CDH13: variants seen among roughly 807,000 people sequenced by gnomAD.
CDH13 encodes cadherin 13.
Under a neutral mutation model 63.8 loss-of-function variants are expected in CDH13, and 24 were observed. That is an observed-to-expected ratio of 0.38 (90% CI 0.27 to 0.53). The LOEUF (loss-of-function observed/expected upper bound fraction) is 0.53. CDH13 is among the 20% of genes least tolerant of loss of function. The pLI is 0.85. For missense variants in CDH13, 1,049 were observed against 903.1 expected (o/e 1.16, Z -2.07); for synonymous variants, 503 against 355.3 (o/e 1.42, Z -4.67).
intron 1 of CDH13, among the ~76,000 whole-genome samples, chr16:82,736,623 T>G (rs994192662): frequency 6.6e-6 from 1 of 152,178 alleles, no homozygotes; most frequent in African/African-American, 2.4e-5. Flanking sequence ...TTTTTTCCTC[T>G]CTCCGCTAGC....
intron 2 of CDH13, among the ~76,000 whole-genome samples, chr16:82,958,273 A>T (rs1281746540): frequency 1.3e-5 from 2 of 152,200 alleles, no homozygotes; most frequent in Non-Finnish European, 2.9e-5. Context: ...CTTCACCTAG[A>T]AGTGCTTAAA....
chr16:82,809,127 T>A (rs1306024541), intron 1 of CDH13, among the ~76,000 whole-genome samples: 1 of 152,144 alleles, frequency 6.6e-6, no homozygotes, highest in Non-Finnish European at 1.5e-5. Context: ...AAATTATCAT[T>A]GCAAAGTGGC....
intron 6 of CDH13, among the ~76,000 whole-genome samples, chr16:83,368,207 A>G (rs1222441570): frequency 6.6e-6 from 1 of 152,216 alleles, no homozygotes; most frequent in Non-Finnish European, 1.5e-5. Context: ...CAAATCTCGT[A>G]GTAGAGCTAC....
chr16:83,420,096 A>G (rs188046468), intron 6 of CDH13, among the ~76,000 whole-genome samples: 4 of 152,314 alleles, frequency 2.6e-5, no homozygotes, highest in East Asian at 1.9e-4. Context: ...AGATGAGCAG[A>G]ATAAAAAATA....
chr16:83,515,108 G>A (rs2074670981), intron 7 of CDH13, among the ~76,000 whole-genome samples: 1 of 152,106 alleles, frequency 6.6e-6, no homozygotes, highest in African/African-American at 2.4e-5. Flanking sequence ...TCGTAGGTCT[G>A]CTGGGTTCAG....
chr16:83,276,126 G>T (rs1278200037), intron 5 of CDH13, among the ~76,000 whole-genome samples: 1 of 152,064 alleles, frequency 6.6e-6, no homozygotes, highest in Admixed American at 6.5e-5. Context: ...GTTCAAACTC[G>T]CCCCACACTC....
At chr16:83,097,705 A>T (rs2034277036) in intron 3 of CDH13, among the ~76,000 whole-genome samples, 1 of 152,200 alleles carries the variant, frequency 6.6e-6, no homozygotes, top group South Asian at 2.1e-4. Context: ...CTATATACAA[A>T]AGCAGGAAAA....
intron 3 of CDH13, among the ~76,000 whole-genome samples, chr16:83,090,698 C>G (rs1010063630): frequency 6.6e-6 from 1 of 152,168 alleles, no homozygotes; most frequent in Admixed American, 6.5e-5. Context: ...TCTTCCCCGT[C>G]TGTCTGCTCC....
chr16:82,912,675 G>T (rs2041867841), intron 2 of CDH13, among the ~76,000 whole-genome samples: 1 of 152,244 alleles, frequency 6.6e-6, no homozygotes, highest in Admixed American at 6.5e-5. Context: ...CGGGCGCGGT[G>T]GCTCACGCCT....
At chr16:83,131,452 C>A (rs2036049432) in intron 4 of CDH13, among the ~76,000 whole-genome samples, 1 of 152,080 alleles carries the variant, frequency 6.6e-6, no homozygotes, top group East Asian at 1.9e-4. Context: ...CATGCAGATC[C>A]CAAAGTGGCT....
Position 83,344,944 on chromosome 16 carries a change from A to T in CDH13, c.719A>T (p.Asp240Val), listed in dbSNP as rs2090806345. 1 of 1,613,900 alleles carries T rather than the reference A, an allele frequency of 6.2e-7. No homozygotes were observed. Among genetic ancestry groups the T allele is most frequent in the Non-Finnish European group, 8.5e-7 (1 of 1,179,870 alleles). ...GAAGTCATTGTGATTGATCAGAATG[A>T]CAACCGACCGATCTTTCGGGAAGGC... The part of the protein sequence containing the change: ...PLEVIVIDQN[D>V]NRPIFREGPY... Residue 240 changes from aspartate (D) to valine (V), a missense_variant, in exon 6 of 14, where the codon GAC (aspartate) becomes GTC (valine). By Grantham distance (152) the Asp-to-Val change is radical (BLOSUM62 -3). Transcript: ENST00000567109.
At chr16:83,198,990 A>G (rs1159021049) in intron 4 of CDH13, among the ~76,000 whole-genome samples, 1 of 152,054 alleles carries the variant, frequency 6.6e-6, no homozygotes, top group Non-Finnish European at 1.5e-5. Flanking sequence ...GAACATTTTG[A>G]TTTACTACTG....
chr16:83,048,953 T>C (rs1197554266), intron 3 of CDH13, among the ~76,000 whole-genome samples: 3 of 152,176 alleles, frequency 2.0e-5, no homozygotes, highest in Admixed American at 6.5e-5. Flanking sequence ...TACTCCGAAA[T>C]GGAGCTCCTG....
intron 5 of CDH13, among the ~76,000 whole-genome samples, chr16:83,224,201 C>A (rs1555515047): frequency 3.9e-5 from 6 of 152,106 alleles, no homozygotes; most frequent in Non-Finnish European, 8.8e-5. Flanking sequence ...ACTATTCTAC[C>A]ATATATATAT....
chr16:83,091,977 A>G (rs1400846029), intron 3 of CDH13, among the ~76,000 whole-genome samples: 1 of 152,266 alleles, frequency 6.6e-6, no homozygotes, highest in Non-Finnish European at 1.5e-5. Context: ...CAGAGAATCT[A>G]GAAATTTTTT....
chr16:83,350,518 C>G (rs2090931001), intron 6 of CDH13, among the ~76,000 whole-genome samples: 1 of 151,538 alleles, frequency 6.6e-6, no homozygotes, highest in Non-Finnish European at 1.5e-5. Context: ...GAAAGCCCAG[C>G]CACTTTCCCT....
chr16:82,930,039 C>CT (rs71146098), intron 2 of CDH13, among the ~76,000 whole-genome samples: 10,936 of 94,636 alleles, frequency 0.12, 847 homozygotes, highest in East Asian at 0.15. Context: ...TAGTTTGTCT[C>CT]TTTTTTTTTT....
chr16:83,184,115 C>CAT (rs1481651485), intron 4 of CDH13, among the ~76,000 whole-genome samples: 1,630 of 147,624 alleles, frequency 0.011, 29 homozygotes, highest in African/African-American at 0.039. Context: ...CACACACACA[C>CAT]ACACACACAC....
chr16:83,180,073 G>C (rs2038285982), intron 4 of CDH13, among the ~76,000 whole-genome samples: 1 of 152,110 alleles, frequency 6.6e-6, no homozygotes. Flanking sequence ...AAAACACAGA[G>C]ACCTTGGAGC....
Sources: allele counts gnomAD v4.1 joint callset (sites outside exome capture counted in the v4.1 genomes callset), GRCh38; gene constraint gnomAD v4.1.1; transcripts MANE v1.5; gene names NCBI Gene and HGNC (gene_info 2026-07-23, HGNC 2026-07-21).